The following SEMA3F variants were observed in gnomAD, a reference collection of about 807,000 sequenced individuals.
SEMA3F encodes semaphorin 3F.
Under a neutral mutation model 98.5 loss-of-function variants are expected in SEMA3F, and 30 were observed. The observed-to-expected ratio is 0.30, with a 90% CI of 0.23 to 0.41. SEMA3F has a LOEUF of 0.41. SEMA3F is among the 10% of genes least tolerant of loss of function. SEMA3F has a pLI of 1.00. For synonymous variants in SEMA3F, 380 were observed against 444.8 expected, an observed-to-expected ratio of 0.85 and a Z score of 1.83; for missense variants, 866 against 1,119.3, an observed-to-expected ratio of 0.77 and a Z score of 3.23.
chr3:50,171,291 G>C (rs1452867074), intron 2 of SEMA3F, among the ~76,000 whole-genome samples: 8 of 152,186 alleles, frequency 5.3e-5, no homozygotes, highest in African/African-American at 1.9e-4. Context: ...GAGTTTGGGA[G>C]TGCTGGGGCT....
chr3:50,185,805 C>T, intron 15 of SEMA3F, 84 bp from the exon 16 acceptor site: 1 of 1,607,560 alleles, frequency 6.2e-7, no homozygotes, highest in Non-Finnish European at 8.5e-7. Context: ...AGGCATGGAA[C>T]AGGGGAGAGG....
At chr3:50,164,357 C>T (rs1043076357) in intron 2 of SEMA3F, among the ~76,000 whole-genome samples, 6 of 152,172 alleles carry the variant, frequency 3.9e-5, no homozygotes, top group Non-Finnish European at 5.9e-5. Flanking sequence ...AAAGAGAAAC[C>T]GCCAAGATAA....
Position 50,182,046 on chromosome 3 carries a change from T to G in SEMA3F, c.644-238T>G, listed in dbSNP as rs1211789696. ...CTCAGGTTGGTAGCTTGAAATTAGT[T>G]GTGGCAGGAGTATTCACACCACAGA... On this transcript the variant is annotated intron_variant, in intron 7 of 18. Coordinates refer to ENST00000002829, the MANE Select transcript of SEMA3F (RefSeq NM_004186.5). The surrounding 1 kb of genome is among the most constrained non-coding windows in gnomAD (Gnocchi z 4.5). Among the ~76,000 whole-genome samples the G allele has an allele frequency of 7.2e-5, 11 of 152,368 alleles. 1 individual carries two copies. In the South Asian group the frequency reaches 2.1e-3, roughly 29 times the overall value.
chr3:50,182,536 C>T lies in SEMA3F; in HGVS notation c.764-108C>T. 1 of 1,574,024 alleles carries T rather than the reference C, an allele frequency of 6.4e-7. No individual in the cohort carries two copies. On this transcript the variant is annotated intron_variant, in intron 8 of 18. Coordinates refer to ENST00000002829, the MANE Select transcript of SEMA3F (RefSeq NM_004186.5). The surrounding 1 kb of genome is among the most constrained non-coding windows in gnomAD (Gnocchi z 4.5). ...ACCTGGGGCAGGGGTAGTTTCTTAT[C>T]TGGAGAGGAGTTGGGGGTGTTCTTG... is the stretch of plus-strand genomic sequence containing the variant.
In SEMA3F at chr3:50,185,656, C is replaced by T; in HGVS notation, c.1546-10C>T. The T allele has an allele frequency of 1.9e-6, 3 of 1,614,134 alleles. No individual in the cohort carries two copies. Among genetic ancestry groups the T allele is most frequent in the Non-Finnish European group, 2.5e-6 (3 of 1,180,002 alleles). ...CCTGGCATCCCAAGCTGATCTTTAT[C>T]TTTTTCTAGGATCCAGCACCCGTCA... is the stretch of plus-strand genomic sequence containing the variant. On this transcript the variant is annotated splice_polypyrimidine_tract_variant and intron_variant, in intron 14 of 18. Transcript: ENST00000002829.
At chr3:50,163,400 GCTC>G in intron 2 of SEMA3F, among the ~76,000 whole-genome samples, 1 of 152,256 alleles carries the variant, frequency 6.6e-6, no homozygotes, top group Non-Finnish European at 1.5e-5. Context: ...AGAGGAAAGG[GCTC>G]CTGTTCCAGA....
At chr3:50,169,203 C>T (rs923278963) in intron 2 of SEMA3F, among the ~76,000 whole-genome samples, 6 of 152,196 alleles carry the variant, frequency 3.9e-5, no homozygotes, top group African/African-American at 7.2e-5. Context: ...TTGGGGTCTT[C>T]GGGTGAGGGC....
At chr3:50,186,524 G>A (rs1699220364) in intron 17 of SEMA3F, 89 bp from the exon 18 acceptor site, 2 of 1,504,558 alleles carry the variant, frequency 1.3e-6, no homozygotes, top group Admixed American at 3.6e-5. Context: ...CTACATTGGT[G>A]AGTGGGTGCC....
Position 50,188,088 on chromosome 3 carries a change from C to A in SEMA3F, c.2331C>A (p.Asn777Lys). 6.5e-7 allele frequency: 1 copy of A among 1,544,942 alleles called. No homozygotes were observed. Among genetic ancestry groups the A allele is most frequent in the Non-Finnish European group, 8.7e-7 (1 of 1,144,568 alleles). The change falls in exon 19 of 19, where the codon AAC (asparagine) becomes AAA (lysine). Residue 777 changes from asparagine (N) to lysine (K), a missense_variant. Asn to Lys is a moderately conservative substitution (Grantham distance 94, BLOSUM62 0). Coordinates refer to ENST00000002829, the MANE Select transcript of SEMA3F (RefSeq NM_004186.5). The surrounding 1 kb of genome is among the most constrained non-coding windows in gnomAD (Gnocchi z 4.5). ...PEPQDQKKPR[N>K]RRHHPPDT ...CCCAGGACCAGAAAAAGCCCCGGAACCGCCGGCACCACCCTCCGGACACAT... is the reference window on the plus strand; with the variant it reads ...CCCAGGACCAGAAAAAGCCCCGGAAACGCCGGCACCACCCTCCGGACACAT...
intron 7 of SEMA3F, among the ~76,000 whole-genome samples, chr3:50,179,329 T>C (rs1698937325): frequency 7.1e-6 from 1 of 140,980 alleles, no homozygotes; most frequent in Non-Finnish European, 1.6e-5. Context: ...TCTTTCTTTC[T>C]TTTTTTTTTT....
At chr3:50,183,344 G>GTGGGGAGGGGGCAGTT in intron 11 of SEMA3F, 76 bp from the exon 12 acceptor site, 1 of 1,604,640 alleles carries the variant, frequency 6.2e-7, no homozygotes, top group Non-Finnish European at 8.5e-7. Flanking sequence ...GTGGCGAGCT[G>GTGGGGAGGGGGCAGTT]TGGGGAGGGG....
At chr3:50,184,240 G>T (rs768578839) in intron 12 of SEMA3F, 15 of 326,882 alleles carry the variant, frequency 4.6e-5, no homozygotes, top group Non-Finnish European at 8.7e-5. Context: ...GGGGCCTGCA[G>T]TCCAGCTGTG....
At chr3:50,164,404 CA>C (rs1698327951) in intron 2 of SEMA3F, among the ~76,000 whole-genome samples, 1 of 152,224 alleles carries the variant, frequency 6.6e-6, no homozygotes, top group South Asian at 2.1e-4. Context: ...TTTCACCCTG[CA>C]GCTTGGGAGA....
At chr3:50,162,475 A>G (rs548728862) in intron 2 of SEMA3F, among the ~76,000 whole-genome samples, 1 of 152,328 alleles carries the variant, frequency 6.6e-6, no homozygotes, top group African/African-American at 2.4e-5. Flanking sequence ...CTTGCTCTTG[A>G]GAGAGTGGAG....
intron 2 of SEMA3F, among the ~76,000 whole-genome samples, chr3:50,165,019 C>T (rs1698351398): frequency 1.3e-5 from 2 of 152,182 alleles, no homozygotes; most frequent in Admixed American, 1.3e-4. Flanking sequence ...CTGCCTCACC[C>T]CTTCCTCCAG....
chr3:50,187,550 CATT>C (rs1380917736), intron 18 of SEMA3F, among the ~76,000 whole-genome samples, 152 bp from the exon 19 acceptor site: 1 of 151,916 alleles, frequency 6.6e-6, no homozygotes, highest in Non-Finnish European at 1.5e-5. Flanking sequence ...AAATATCTCT[CATT>C]ATGTAGAAAC....
At position 50,183,558 on chromosome 3, in the gene SEMA3F, G is replaced by A. The variant is rs201027529; in HGVS notation, c.1227G>A (p.Pro409=). Residue 409 remains proline (P), a synonymous_variant, in exon 12 of 19, where the codon CCG becomes CCA. Transcript: ENST00000002829. The part of the protein sequence containing the change: ...PFSGKMPYPR[P]GTCPGGTFTP... The stretch of plus-strand genomic sequence containing the variant: ...CAGGGAAGATGCCCTACCCACGGCC[G>A]GGCACGGTAAGGACCCCACTCATCC... 38 of 1,613,848 alleles carry A rather than the reference G, an allele frequency of 2.4e-5. No individual in the cohort carries two copies. The highest frequency in any genetic ancestry group is 1.8e-4 in the East Asian group (8 of 44,888).
intron 15 of SEMA3F, 69 bp from the exon 16 acceptor site, chr3:50,185,820 C>A: frequency 6.2e-7 from 1 of 1,605,370 alleles, no homozygotes; most frequent in Non-Finnish European, 8.5e-7. Flanking sequence ...GAGAGGAGCC[C>A]AGCCTAGCTG....
Position 50,159,704 on chromosome 3 carries a change from G to T in SEMA3F, c.82G>T (p.Ala28Ser). Reference protein sequence around the residue: ...PSFPTQDHLPATPRVRLSFKE... With the variant: ...PSFPTQDHLPSTPRVRLSFKE... The stretch of plus-strand genomic sequence containing the variant: ...CTTCCCCACCCAGGACCACCTCCCG[G>T]CCACGCCCCGGGTCCGGCTCTCATT... The change falls in exon 2 of 19, where the codon GCC becomes TCC. Residue 28 changes from alanine to serine, a missense_variant. Physicochemically the swap from Ala to Ser is moderately conservative, Grantham distance 99 (BLOSUM62 1). Transcript: ENST00000002829. 3.1e-6 allele frequency: 5 copies of T among 1,612,348 alleles called. No homozygotes were observed. The highest frequency in any genetic ancestry group is 4.2e-6 in the Non-Finnish European group (5 of 1,179,186).
Sources: gnomAD v4.1 joint callset for allele counts (sites outside exome capture counted in the v4.1 genomes callset) on GRCh38, gnomAD v4.1.1 for gene constraint, Gnocchi (gnomAD v3.1) non-coding constraint, MANE v1.5 for transcripts, NCBI Gene and HGNC (gene_info 2026-07-23, HGNC 2026-07-21) for gene names.